Variants in SPOCK3 observed in about 807,000 individuals in gnomAD.
SPOCK3 encodes the protein testican-3.
Under a neutral mutation model 56.6 loss-of-function variants are expected in SPOCK3, and 30 were observed. The observed-to-expected ratio is 0.53, with a 90% CI of 0.40 to 0.72. SPOCK3 has a LOEUF of 0.72. Ranked by LOEUF, SPOCK3 falls within the 30% of genes least tolerant of loss-of-function variation. The pLI, the probability that SPOCK3 is intolerant of heterozygous loss-of-function variation, is 0.00. For synonymous variants in SPOCK3, 196 were observed against 183.3 expected, an observed-to-expected ratio of 1.07 and a Z score of -0.56; for missense variants, 527 against 530.0, an observed-to-expected ratio of 0.99 and a Z score of 0.06.
intron 8 of SPOCK3, among the ~76,000 whole-genome samples, chr4:166,745,353 T>A (rs10007076): frequency 0.4 from 60,183 of 151,934 alleles, 12,080 homozygotes; most frequent in Admixed American, 0.46. Flanking sequence ...TAAAGAAAAG[T>A]ATTTTCAACC....
chr4:167,012,670 A>C (rs1326628360), intron 3 of SPOCK3, among the ~76,000 whole-genome samples: 1 of 151,994 alleles, frequency 6.6e-6, no homozygotes, highest in Non-Finnish European at 1.5e-5. Flanking sequence ...CAATCAGTAC[A>C]TAGCCATCTT....
intron 2 of SPOCK3, among the ~76,000 whole-genome samples, chr4:167,072,400 C>T (rs1457050952): frequency 6.6e-6 from 1 of 151,888 alleles, no homozygotes; most frequent in Non-Finnish European, 1.5e-5. Context: ...ATGACTGAGG[C>T]CATAAGGCCC....
chr4:166,748,875 A>T (rs549937425), intron 8 of SPOCK3, among the ~76,000 whole-genome samples: 1 of 137,954 alleles, frequency 7.2e-6, no homozygotes, highest in East Asian at 2.0e-4. Context: ...CCACCAACAG[A>T]CACAGAAAAA....
intron 3 of SPOCK3, chr4:167,011,381 T>C: frequency 4.5e-6 from 2 of 446,126 alleles, no homozygotes; most frequent in Non-Finnish European, 9.1e-6. Context: ...ATACTTTCCT[T>C]TTCTATTCTG....
intron 7 of SPOCK3, among the ~76,000 whole-genome samples, chr4:166,762,413 C>A (rs937361643): frequency 6.6e-6 from 1 of 151,898 alleles, no homozygotes; most frequent in African/African-American, 2.4e-5. Context: ...AAAGGGTCTG[C>A]ATAGAGAAAC....
At chr4:167,064,450 T>C (rs1755906753) in intron 2 of SPOCK3, among the ~76,000 whole-genome samples, 1 of 151,896 alleles carries the variant, frequency 6.6e-6, no homozygotes, top group African/African-American at 2.4e-5. Context: ...CTTGGAAAAT[T>C]AGACTTTCAA....
At chr4:166,870,957 T>C (rs907247143) in intron 6 of SPOCK3, among the ~76,000 whole-genome samples, 1 of 152,086 alleles carries the variant, frequency 6.6e-6, no homozygotes, top group Non-Finnish European at 1.5e-5. Context: ...CTGCTCACAC[T>C]TGTCTCTCCT....
At chr4:166,768,227 C>A (rs9684858) in intron 7 of SPOCK3, among the ~76,000 whole-genome samples, 50,180 of 151,982 alleles carry the variant, frequency 0.33, 8,444 homozygotes, top group Admixed American at 0.42. Flanking sequence ...TTGATCCTGT[C>A]ATTATGATGT....
chr4:167,136,781 G>GCATTATTAAA (rs1763155924), intron 2 of SPOCK3, among the ~76,000 whole-genome samples: 2 of 152,024 alleles, frequency 1.3e-5, no homozygotes, highest in Non-Finnish European at 2.9e-5. Flanking sequence ...TTAAGCAATG[G>GCATTATTAAA]AATGTATACA....
At chr4:166,985,182 T>TACC (rs1256970245) in intron 4 of SPOCK3, among the ~76,000 whole-genome samples, 4 of 152,118 alleles carry the variant, frequency 2.6e-5, no homozygotes, top group Non-Finnish European at 4.4e-5. Flanking sequence ...TCTTACAGGG[T>TACC]ACCTTTGGAT....
chr4:166,807,003 G>T (rs1044248105), intron 6 of SPOCK3, among the ~76,000 whole-genome samples: 1 of 151,796 alleles, frequency 6.6e-6, no homozygotes, highest in Non-Finnish European at 1.5e-5. Flanking sequence ...AATAAAAGTT[G>T]TTTGAATTTG....
chr4:166,988,906 A>G (rs977056322), intron 4 of SPOCK3, among the ~76,000 whole-genome samples: 5 of 152,102 alleles, frequency 3.3e-5, no homozygotes, highest in Admixed American at 6.6e-5. Flanking sequence ...CCTCTTCCTT[A>G]TATTTTCATA....
At chr4:166,897,540 A>G (rs746896399) in intron 5 of SPOCK3, among the ~76,000 whole-genome samples, 5 of 152,166 alleles carry the variant, frequency 3.3e-5, no homozygotes, top group African/African-American at 4.8e-5. Flanking sequence ...ACATCAAACT[A>G]TGCCACTGTG....
At chr4:167,208,368 A>G (rs904162998) in intron 2 of SPOCK3, among the ~76,000 whole-genome samples, 1 of 152,136 alleles carries the variant, frequency 6.6e-6, no homozygotes, top group Admixed American at 6.6e-5. Flanking sequence ...TATAATAGGA[A>G]ATGTAGTTGG....
rs1026667829 is a variant in SPOCK3, at chr4:166,740,125, T to G, written c.994+1872A>C. On this transcript the variant is annotated intron_variant, in intron 9 of 10. Transcript: ENST00000357545. ...GATGTCTGAAGTTTTAGCATAATTCTTAAGAATATTCTCTTTTCCTTTCAA... is the reference window on the plus strand; with the variant it reads ...GATGTCTGAAGTTTTAGCATAATTCGTAAGAATATTCTCTTTTCCTTTCAA... Among the ~76,000 whole-genome samples the G allele has an allele frequency of 6.8e-4, 104 of 152,242 alleles. No homozygotes were observed. In the Middle Eastern group the frequency reaches 0.017, roughly 25 times the overall value.
At chr4:166,886,080 A>G (rs1283270288) in intron 6 of SPOCK3, among the ~76,000 whole-genome samples, 1 of 152,060 alleles carries the variant, frequency 6.6e-6, no homozygotes, top group Non-Finnish European at 1.5e-5. Context: ...GTCCTTTCTA[A>G]TTCTTAGGAT....
At chr4:166,779,774 T>C (rs1739959332) in intron 7 of SPOCK3, among the ~76,000 whole-genome samples, 1 of 152,094 alleles carries the variant, frequency 6.6e-6, no homozygotes, top group African/African-American at 2.4e-5. Flanking sequence ...TGCAGGACTT[T>C]CCAAGCAGAA....
At chr4:167,134,676 T>C (rs892265750) in intron 2 of SPOCK3, among the ~76,000 whole-genome samples, 4 of 152,268 alleles carry the variant, frequency 2.6e-5, no homozygotes, top group African/African-American at 9.6e-5. Context: ...CTGAAGGTTA[T>C]CAAAAGTATT....
chr4:167,000,330 T>G lies in SPOCK3; in HGVS notation c.350+19A>C, dbSNP rs1748819355. The G allele has an allele frequency of 2.3e-6, 3 of 1,308,860 alleles. No homozygotes were observed. In the South Asian group the frequency reaches 3.9e-5, roughly 17 times the overall value. The allele number at this position is 1,308,860 out of a possible 1,614,324, so 81.1% of individuals were successfully genotyped here. On this transcript the variant is annotated intron_variant, in intron 4 of 10. Transcript: ENST00000357545. ...AGGAGCGCTGTTCAATCAGTGGGATTAAATTTAACAATGTTTACCTGTGTG... is the reference window on the plus strand; with the variant it reads ...AGGAGCGCTGTTCAATCAGTGGGATGAAATTTAACAATGTTTACCTGTGTG...
Sources: gnomAD v4.1 joint callset for allele counts (sites outside exome capture counted in the v4.1 genomes callset) on GRCh38, gnomAD v4.1.1 for gene constraint, MANE v1.5 for transcripts, NCBI Gene and HGNC (gene_info 2026-07-23, HGNC 2026-07-21) for gene names.